WWOX: variants seen among roughly 807,000 people sequenced by gnomAD.
WWOX encodes the protein WW domain containing oxidoreductase.
WWOX carries 69 observed loss-of-function variants against 46.2 expected under a neutral mutation model. The observed-to-expected ratio is 1.49, with a 90% CI of 1.23 to 1.82. The LOEUF is 1.82. Ranked by LOEUF, WWOX falls within the 40% of genes most tolerant of loss-of-function variation. The pLI, the probability that WWOX is intolerant of heterozygous loss-of-function variation, is 0.00. For missense variants in WWOX, 919 were observed against 542.6 expected (o/e 1.69, Z -6.89); for synonymous variants, 359 against 202.6 (o/e 1.77, Z -6.56).
intron 8 of WWOX, among the ~76,000 whole-genome samples, chr16:79,152,383 A>T (rs374088565): frequency 6.6e-6 from 1 of 152,142 alleles, no homozygotes; most frequent in Admixed American, 6.5e-5. Flanking sequence ...TAAAAAACCA[A>T]CTGCCCAGCC....
At chr16:78,834,167 C>G (rs1303037475) in intron 8 of WWOX, among the ~76,000 whole-genome samples, 1 of 152,178 alleles carries the variant, frequency 6.6e-6, no homozygotes, top group Non-Finnish European at 1.5e-5. Flanking sequence ...AGGATAGGAA[C>G]ATTCCCTTCT....
intron 8 of WWOX, among the ~76,000 whole-genome samples, chr16:78,852,161 A>C (rs1214377075): frequency 6.6e-6 from 1 of 152,200 alleles, no homozygotes; most frequent in Non-Finnish European, 1.5e-5. Context: ...AGAGCATGGC[A>C]CTGTCTAGAG....
intron 8 of WWOX, among the ~76,000 whole-genome samples, chr16:79,038,903 A>C (rs1251120913): frequency 1.3e-5 from 2 of 152,220 alleles, no homozygotes; most frequent in Non-Finnish European, 2.9e-5. Flanking sequence ...TGTAAAGCAT[A>C]CATAGAGGAT....
chr16:78,945,575 G>GT (rs1334012033), intron 8 of WWOX, among the ~76,000 whole-genome samples: 2 of 152,194 alleles, frequency 1.3e-5, no homozygotes, highest in East Asian at 1.9e-4. Flanking sequence ...TAGTCTTTTG[G>GT]TTTTTTCTCT....
chr16:78,417,775 A>G (rs914601625), intron 6 of WWOX, among the ~76,000 whole-genome samples: 6 of 152,126 alleles, frequency 3.9e-5, no homozygotes, highest in Admixed American at 1.3e-4. Flanking sequence ...CTATCTCTTC[A>G]CAGAGTAGCT....
intron 8 of WWOX, among the ~76,000 whole-genome samples, chr16:78,682,004 G>T (rs2047741338): frequency 6.6e-6 from 1 of 152,172 alleles, no homozygotes; most frequent in South Asian, 2.1e-4. Context: ...TTGGAGCAGT[G>T]ATTTTTAAAA....
chr16:78,391,742 G>T (rs753561933), intron 6 of WWOX, among the ~76,000 whole-genome samples: 4 of 152,142 alleles, frequency 2.6e-5, no homozygotes, highest in Non-Finnish European at 5.9e-5. Flanking sequence ...CAGCTACTCA[G>T]GAGGCTGAGG....
chr16:78,787,012 G>A (rs1054895915), intron 8 of WWOX, among the ~76,000 whole-genome samples: 1 of 152,244 alleles, frequency 6.6e-6, no homozygotes, highest in Admixed American at 6.5e-5. Context: ...GCCAGGTGTG[G>A]TGCTGGGTGC....
chr16:78,113,793 A>T (rs1274033040), intron 3 of WWOX, among the ~76,000 whole-genome samples: 1 of 152,180 alleles, frequency 6.6e-6, no homozygotes, highest in East Asian at 1.9e-4. Flanking sequence ...TTGTGTGTGT[A>T]TAATATTGGG....
At chr16:78,728,057 T>TCC (rs747086727) in intron 8 of WWOX, among the ~76,000 whole-genome samples, 10,818 of 45,616 alleles carry the variant, frequency 0.24, 1,568 homozygotes, top group African/African-American at 0.38. Context: ...CCTCCTTCCT[T>TCC]TTTTTTTTTT....
intron 8 of WWOX, among the ~76,000 whole-genome samples, chr16:78,596,335 C>A (rs1374591233): frequency 1.3e-5 from 2 of 152,042 alleles, no homozygotes; most frequent in African/African-American, 2.4e-5. Context: ...CAGCAGTTTG[C>A]TGTCAAGGTC....
At chr16:78,761,833 G>C (rs1182506602) in intron 8 of WWOX, among the ~76,000 whole-genome samples, 1 of 152,120 alleles carries the variant, frequency 6.6e-6, no homozygotes, top group Non-Finnish European at 1.5e-5. Context: ...CAGTAAAGCT[G>C]ACCCGACATA....
At chr16:78,297,285 A>G (rs1272463064) in intron 5 of WWOX, among the ~76,000 whole-genome samples, 2 of 152,182 alleles carry the variant, frequency 1.3e-5, no homozygotes, top group African/African-American at 4.8e-5. Context: ...TGCATGGATC[A>G]ACAGTTGCCC....
At chr16:79,007,797 G>C (rs987377969) in intron 8 of WWOX, among the ~76,000 whole-genome samples, 7 of 152,122 alleles carry the variant, frequency 4.6e-5, no homozygotes, top group Admixed American at 3.9e-4. Flanking sequence ...ATTTATCATT[G>C]ACTAATAATG....
intron 8 of WWOX, among the ~76,000 whole-genome samples, chr16:78,895,089 C>T (rs2044672823): frequency 6.6e-6 from 1 of 152,160 alleles, no homozygotes. Context: ...TTTCTGCCTT[C>T]AATGTTTCCA....
intron 8 of WWOX, among the ~76,000 whole-genome samples, chr16:78,836,521 C>A (rs142435619): frequency 6.6e-6 from 1 of 152,154 alleles, no homozygotes; most frequent in Admixed American, 6.5e-5. Context: ...CTGCCCCTTG[C>A]CATGTTTAGT....
chr16:78,432,818 C>G, intron 8 of WWOX, 66 bp downstream of exon 8: 1 of 1,611,056 alleles, frequency 6.2e-7, no homozygotes, highest in South Asian at 1.1e-5. Flanking sequence ...ACTTGTGTCT[C>G]CACCTTTTTA....
intron 5 of WWOX, among the ~76,000 whole-genome samples, chr16:78,228,973 A>G (rs779075733): frequency 6.6e-6 from 1 of 152,134 alleles, no homozygotes; most frequent in Non-Finnish European, 1.5e-5. Flanking sequence ...ATGTGTACTT[A>G]CTTCTATTTT....
At chr16:78,377,697 T>G (rs1015930005) in intron 5 of WWOX, among the ~76,000 whole-genome samples, 7 of 152,194 alleles carry the variant, frequency 4.6e-5, no homozygotes, top group African/African-American at 1.7e-4. Context: ...ATTTTCGCTC[T>G]CTTATTAGTT....
Sources: gnomAD v4.1 joint callset for allele counts (sites outside exome capture counted in the v4.1 genomes callset) on GRCh38, gnomAD v4.1.1 for gene constraint, MANE v1.5 for transcripts, NCBI Gene and HGNC (gene_info 2026-07-23, HGNC 2026-07-21) for gene names.